Variants in RGS9 observed in about 807,000 individuals in gnomAD.
The protein encoded by RGS9 is regulator of G protein signaling 9, also known as regulator of G-protein signalling 9.
Under a neutral mutation model 102.0 loss-of-function variants are expected in RGS9, and 78 were observed. The observed-to-expected ratio is 0.76, with a 90% CI of 0.64 to 0.92. The LOEUF (loss-of-function observed/expected upper bound fraction) is 0.92, where lower values mean the gene tolerates loss of function less well. RGS9 is among the 40% of genes least tolerant of loss of function. RGS9 has a pLI of 0.00. For missense variants in RGS9, 833 were observed against 866.1 expected (o/e 0.96, Z 0.48); for synonymous variants, 353 against 318.6 (o/e 1.11, Z -1.15).
chr17:65,203,897 C>T (rs1912946477), intron 14 of RGS9, among the ~76,000 whole-genome samples: 1 of 152,128 alleles, frequency 6.6e-6, no homozygotes, highest in South Asian at 2.1e-4. Context: ...CCGACCTGGG[C>T]CCCAGCCCCT....
rs8074507 is a variant in RGS9 at position 65,160,729 on chromosome 17, A to G, written c.365-122A>G. 0.011 allele frequency: 14,737 copies of G among 1,389,114 alleles called. 1,232 individuals are homozygous for G. The African/African-American group carries it at 0.18, about 17-fold the overall frequency. 86.0% of individuals were successfully genotyped at this position (1,389,114 alleles called of 1,614,324 possible). A position where few individuals can be genotyped will look rare whatever the true frequency, so the allele number is the denominator to read the frequency against. On this transcript the variant is annotated intron_variant, in intron 5 of 18. Coordinates refer to ENST00000262406, the MANE Select transcript of RGS9 (RefSeq NM_003835.4). ...CTGTACTGGGCATGTCCCCAGGGGC[A>G]AGGGGCTGGGTGTGCTGAGCGTTCT...
At chr17:65,177,421 A>G (rs1261066201) in intron 8 of RGS9, among the ~76,000 whole-genome samples, 1 of 151,598 alleles carries the variant, frequency 6.6e-6, no homozygotes, top group Admixed American at 6.6e-5. Context: ...GCATCCCACT[A>G]TGGTGCTGGG....
intron 14 of RGS9, among the ~76,000 whole-genome samples, chr17:65,202,444 T>TGTGTGTGTGTGTGAGA (rs3838367): frequency 9.6e-4 from 126 of 131,762 alleles, no homozygotes; most frequent in Non-Finnish European, 1.3e-3. Flanking sequence ...TGTGTGTGTG[T>TGTGTGTGTGTGTGAGA]GAGAGAGAGA....
At chr17:65,226,187 C>G (rs1057359084) in intron 18 of RGS9, among the ~76,000 whole-genome samples, 5 of 152,316 alleles carry the variant, frequency 3.3e-5, no homozygotes, top group Admixed American at 1.3e-4. Context: ...TGGATCAGAG[C>G]AGAAAGAAAA....
chr17:65,218,321 T>A (rs1913585986), intron 17 of RGS9, among the ~76,000 whole-genome samples: 1 of 152,340 alleles, frequency 6.6e-6, no homozygotes, highest in South Asian at 2.1e-4. Context: ...TGCAGAACTT[T>A]AAGAAACCCG....
intron 8 of RGS9, among the ~76,000 whole-genome samples, chr17:65,177,366 A>G (rs577728868): frequency 6.7e-6 from 1 of 148,260 alleles, no homozygotes; most frequent in South Asian, 2.2e-4. Context: ...CCCATCAACC[A>G]TCTACCCGCC....
intron 9 of RGS9, among the ~76,000 whole-genome samples, chr17:65,180,480 C>T (rs1567875495): frequency 1.3e-5 from 2 of 151,914 alleles, no homozygotes; most frequent in South Asian, 2.1e-4. Flanking sequence ...CCAGAGTAGC[C>T]GCGATTACAG....
chr17:65,194,752 G>A (rs1376059718), intron 12 of RGS9, among the ~76,000 whole-genome samples: 2 of 152,152 alleles, frequency 1.3e-5, no homozygotes, highest in African/African-American at 2.4e-5. Context: ...AGGGGAGAAG[G>A]GACAGGCCTG....
chr17:65,177,817 G>T lies in RGS9; in HGVS notation c.654+14G>T. ...AAGGTAAACCAGGTATGTCTCTGCT[G>T]CATAGTTTGGGTAGGGCCTAGGTCG... is the stretch of plus-strand genomic sequence containing the variant. On this transcript the variant is annotated intron_variant, in intron 9 of 18. Coordinates refer to ENST00000262406, the MANE Select transcript of RGS9 (RefSeq NM_003835.4). The T allele has an allele frequency of 6.2e-7, 1 of 1,612,496 alleles. No individual in the cohort carries two copies. The highest frequency in any genetic ancestry group is 8.5e-7 in the Non-Finnish European group (1 of 1,178,456).
chr17:65,181,175 T>G (rs1299792634), intron 9 of RGS9, among the ~76,000 whole-genome samples: 1 of 152,250 alleles, frequency 6.6e-6, no homozygotes, highest in African/African-American at 2.4e-5. Flanking sequence ...GTAATGCGAT[T>G]GCTGGGTCAA....
intron 17 of RGS9, among the ~76,000 whole-genome samples, chr17:65,223,338 G>A (rs530611093): frequency 3.3e-5 from 5 of 152,350 alleles, no homozygotes; most frequent in Non-Finnish European, 1.5e-5. Flanking sequence ...GAGGGGGAAT[G>A]ATGGGCTCTG....
At chr17:65,207,690 G>A (rs1288597882) in intron 15 of RGS9, among the ~76,000 whole-genome samples, 2 of 152,118 alleles carry the variant, frequency 1.3e-5, no homozygotes, top group African/African-American at 4.8e-5. Context: ...TTTCTCATCA[G>A]GACGGCTGGG....
rs116609151 is a variant in RGS9 at position 65,178,867 on chromosome 17, G to A, written c.654+1064G>A. ...TTTAGAATGTTCAGCAGCATCCCCA[G>A]CTCTGCCCATGAGATGTCAGTACCT... On this transcript the variant is annotated intron_variant, in intron 9 of 18. Coordinates refer to ENST00000262406, the MANE Select transcript of RGS9 (RefSeq NM_003835.4). Among the ~76,000 whole-genome samples, 723 of 152,258 alleles carry A rather than the reference G, an allele frequency of 4.7e-3. 4 individuals carry two copies. The highest frequency in any genetic ancestry group is 0.017 in the African/African-American group (695 of 41,550).
intron 8 of RGS9, among the ~76,000 whole-genome samples, chr17:65,168,556 T>TTC (rs1334587318): frequency 2.7e-5 from 4 of 150,482 alleles, no homozygotes; most frequent in African/African-American, 9.8e-5. Context: ...TTTTTTTTTT[T>TTC]TTTTTTTTTT....
intron 8 of RGS9, among the ~76,000 whole-genome samples, chr17:65,177,089 C>CCATT (rs1377665027): frequency 2.2e-4 from 32 of 143,836 alleles, no homozygotes; most frequent in African/African-American, 9.1e-4. Context: ...ATCCATCCAT[C>CCATT]CATCCTTCCA....
intron 7 of RGS9, 143 bp from the exon 8 acceptor site, chr17:65,168,057 C>T: frequency 1.5e-6 from 1 of 667,048 alleles, no homozygotes. Context: ...GATGTCAGTG[C>T]TTGCTGTGTT....
chr17:65,167,965 A>G (rs2144014391), intron 7 of RGS9, among the ~76,000 whole-genome samples: 1 of 152,296 alleles, frequency 6.6e-6, no homozygotes, highest in African/African-American at 2.4e-5. Flanking sequence ...TTGAAGTAAG[A>G]AAAGGCCACC....
intron 17 of RGS9, among the ~76,000 whole-genome samples, chr17:65,212,658 C>T (rs1175721837): frequency 1.3e-5 from 2 of 152,224 alleles, no homozygotes; most frequent in African/African-American, 2.4e-5. Context: ...TCTAAGGAGT[C>T]TGTGGTCACT....
chr17:65,140,488 C>G (rs1910115624), intron 1 of RGS9, among the ~76,000 whole-genome samples: 1 of 152,134 alleles, frequency 6.6e-6, no homozygotes, highest in Non-Finnish European at 1.5e-5. Context: ...GCCTATGGGC[C>G]TTCAAGACCT....
Sources: gnomAD v4.1 joint callset for allele counts (sites outside exome capture counted in the v4.1 genomes callset) on GRCh38, gnomAD v4.1.1 for gene constraint, MANE v1.5 for transcripts, NCBI Gene and HGNC (gene_info 2026-07-23, HGNC 2026-07-21) for gene names.